The following EVL variants were observed in gnomAD, a reference collection of about 807,000 sequenced individuals.
EVL encodes ena/VASP-like protein.
EVL carries 21 observed loss-of-function variants against 59.6 expected under a neutral mutation model. The ratio of observed to expected loss-of-function variants is 0.35; its 90% CI spans 0.25 to 0.51. The LOEUF (loss-of-function observed/expected upper bound fraction) is 0.51. EVL is among the 20% of genes least tolerant of loss of function. The pLI is 0.97. For missense variants in EVL, 462 were observed against 546.6 expected, an observed-to-expected ratio of 0.85 and a Z score of 1.54; for synonymous variants, 198 against 203.5, an observed-to-expected ratio of 0.97 and a Z score of 0.23.
At chr14:100,033,991 C>T (rs1252037883) in intron 1 of EVL, among the ~76,000 whole-genome samples, 1 of 151,588 alleles carries the variant, frequency 6.6e-6, no homozygotes, top group Non-Finnish European at 1.5e-5. Flanking sequence ...TTCAGGAGGC[C>T]GAGGTGGGCG....
At chr14:100,118,874 C>G (rs1887518731) in intron 3 of EVL, among the ~76,000 whole-genome samples, 1 of 152,258 alleles carries the variant, frequency 6.6e-6, no homozygotes, top group Admixed American at 6.5e-5. Flanking sequence ...GGAACTTAGA[C>G]TCGAAGCTGG....
chr14:100,107,244 G>T (rs1428386637), intron 3 of EVL: 4 of 398,572 alleles, frequency 1.0e-5, no homozygotes, highest in Non-Finnish European at 1.8e-5. Flanking sequence ...TACTCCAGGA[G>T]AGCAGGGCCC....
At chr14:100,132,254 G>A (rs886692816) in intron 7 of EVL, among the ~76,000 whole-genome samples, 15 of 149,350 alleles carry the variant, frequency 1.0e-4, no homozygotes, top group African/African-American at 3.2e-4. Context: ...ATTGGGGAGG[G>A]CGTGGCTGGG....
At chr14:100,057,557 G>A (rs146708912) in intron 1 of EVL, among the ~76,000 whole-genome samples, 3 of 152,244 alleles carry the variant, frequency 2.0e-5, no homozygotes, top group African/African-American at 7.2e-5. Flanking sequence ...ATAAGAAACA[G>A]TTGGACTTCA....
At chr14:100,017,949 AC>A (rs1442168883) in intron 1 of EVL, among the ~76,000 whole-genome samples, 1 of 152,244 alleles carries the variant, frequency 6.6e-6, no homozygotes. Context: ...GAAGAGTGAT[AC>A]ATTTGTCCCA....
At chr14:100,134,031 C>T (rs913698151) in intron 8 of EVL, among the ~76,000 whole-genome samples, 19 of 152,214 alleles carry the variant, frequency 1.2e-4, no homozygotes, top group African/African-American at 4.3e-4. Flanking sequence ...CCGGTCTTCT[C>T]CCGAGGCCCT....
intron 1 of EVL, among the ~76,000 whole-genome samples, chr14:100,020,848 C>G (rs2061111244): frequency 6.6e-6 from 1 of 152,164 alleles, no homozygotes; most frequent in Non-Finnish European, 1.5e-5. Context: ...AGTCGTGTGT[C>G]TCTGCATTAT....
At chr14:100,090,905 AG>A (rs1235663164) in intron 2 of EVL, among the ~76,000 whole-genome samples, 2 of 152,232 alleles carry the variant, frequency 1.3e-5, no homozygotes, top group African/African-American at 4.8e-5. Context: ...GCAGTTGGAA[AG>A]GAAGAAGCAA....
chr14:100,012,988 T>C (rs1162567078), intron 1 of EVL, among the ~76,000 whole-genome samples: 4 of 152,258 alleles, frequency 2.6e-5, no homozygotes, highest in Admixed American at 2.6e-4. Flanking sequence ...TTTGAAGCTG[T>C]ATTTGCATAC....
intron 1 of EVL, among the ~76,000 whole-genome samples, chr14:99,986,967 A>G (rs947467439): frequency 2.0e-5 from 3 of 152,212 alleles, no homozygotes; most frequent in African/African-American, 7.2e-5. Flanking sequence ...GAGAAAATAC[A>G]AGAGTAAATC....
intron 1 of EVL, among the ~76,000 whole-genome samples, chr14:100,071,801 T>C (rs1488257438): frequency 6.6e-6 from 1 of 152,208 alleles, no homozygotes; most frequent in Non-Finnish European, 1.5e-5. Context: ...TCACTTGAAC[T>C]AAACAGCTTT....
chr14:100,024,501 T>C (rs2061178324), intron 1 of EVL, among the ~76,000 whole-genome samples: 1 of 152,190 alleles, frequency 6.6e-6, no homozygotes, highest in Non-Finnish European at 1.5e-5. Context: ...AAAAGAACCT[T>C]GATCATTGAA....
chr14:100,019,818 G>A, intron 1 of EVL: 1 of 905,998 alleles, frequency 1.1e-6, no homozygotes, highest in Non-Finnish European at 1.6e-6. Context: ...CTTGTGGTGG[G>A]GTTTATCCCA....
At chr14:100,068,569 G>A (rs963479819) in intron 1 of EVL, among the ~76,000 whole-genome samples, 5 of 152,230 alleles carry the variant, frequency 3.3e-5, no homozygotes, top group Non-Finnish European at 5.9e-5. Flanking sequence ...CAGTCATCCA[G>A]GTAAGAGGTG....
Position 100,057,086 on chromosome 14 carries a change from A to G in EVL, c.6-27601A>G, listed in dbSNP as rs565838917. On this transcript the variant is annotated intron_variant, in intron 1 of 13. Transcript: ENST00000402714. ...AATTGGATCTTGAAGGACAAACCCAAGTTTGCCTGTAGATGGGGTAAGAGG... is the reference window on the plus strand; with the variant it reads ...AATTGGATCTTGAAGGACAAACCCAGGTTTGCCTGTAGATGGGGTAAGAGG... Among the ~76,000 whole-genome samples the G allele has an allele frequency of 5.3e-5, 8 of 152,308 alleles. No individual in the cohort carries two copies. The South Asian group carries it at 1.7e-3, about 32-fold the overall frequency.
intron 1 of EVL, among the ~76,000 whole-genome samples, chr14:100,030,707 CA>C (rs1353947768): frequency 2.0e-5 from 3 of 152,186 alleles, no homozygotes; most frequent in African/African-American, 7.2e-5. Context: ...GGTTTGCATG[CA>C]AATTCCCTGG....
chr14:100,077,378 G>T (rs1201004245), intron 1 of EVL, among the ~76,000 whole-genome samples: 4 of 152,222 alleles, frequency 2.6e-5, no homozygotes, highest in Non-Finnish European at 5.9e-5. Flanking sequence ...GGTAGGTGTT[G>T]CTTCCATTCC....
At position 99,972,010 on chromosome 14, in the gene EVL, CCGG is replaced by C. The variant is rs1398125552; in HGVS notation, c.-42_-40del. On this transcript the variant is annotated 5_prime_UTR_variant, in exon 1 of 14. Coordinates refer to the EVL transcript ENST00000402714. The surrounding 1 kb of genome is among the most constrained non-coding windows in gnomAD (Gnocchi z 4.4). The stretch of plus-strand genomic sequence containing the variant: ...CGCCCCGCCGCCGCCGCCGCCGCCG[CCGG>C]GTCGCCCCTGGCCCGGCGCGCCCGT... 2 of 174,998 alleles carry C rather than the reference CCGG, an allele frequency of 1.1e-5. No individual in the cohort carries two copies. The highest frequency in any genetic ancestry group is 6.4e-5 in the Admixed American group (1 of 15,528). 10.8% of individuals were successfully genotyped at this position (174,998 alleles called of 1,614,324 possible).
chr14:100,116,143 G>A (rs1887329475), intron 3 of EVL, among the ~76,000 whole-genome samples: 1 of 152,236 alleles, frequency 6.6e-6, no homozygotes, highest in Admixed American at 6.5e-5. Context: ...GATAGGAATG[G>A]CACCTGTGAG....
Sources: gnomAD v4.1 joint callset for allele counts (sites outside exome capture counted in the v4.1 genomes callset) on GRCh38, gnomAD v4.1.1 for gene constraint, Gnocchi (gnomAD v3.1) non-coding constraint, MANE v1.5 for transcripts, NCBI Gene and HGNC (gene_info 2026-07-23, HGNC 2026-07-21) for gene names.